TTLL10: variants seen among roughly 807,000 people sequenced by gnomAD.
TTLL10 encodes the protein tubulin tyrosine ligase like 10.
Under a neutral mutation model 69.0 loss-of-function variants are expected in TTLL10, and 61 were observed. That is an observed-to-expected ratio of 0.88 (90% CI 0.72 to 1.09). The LOEUF (loss-of-function observed/expected upper bound fraction) is 1.09. TTLL10 is among the 50% of genes least tolerant of loss of function. The pLI, the probability that TTLL10 is intolerant of heterozygous loss-of-function variation, is 0.00. For missense variants in TTLL10, 962 were observed against 945.9 expected (o/e 1.02, Z -0.22); for synonymous variants, 408 against 393.3 (o/e 1.04, Z -0.44).
intron 4 of TTLL10, 43 bp from the exon 5 acceptor site, chr1:1,179,614 C>T: frequency 6.5e-7 from 1 of 1,550,216 alleles, no homozygotes; most frequent in Non-Finnish European, 8.7e-7. Flanking sequence ...CCCCTTGGGT[C>T]ACCCATGACA....
At position 1,181,009 on chromosome 1, in the gene TTLL10, A is replaced by AGCCCCGGCCCCTGCCCCTGAACCC; in HGVS notation, c.755+154_755+155insGGCCCCTGCCCCTGAACCCGCCCC. 1 of 592,982 alleles carries AGCCCCGGCCCCTGCCCCTGAACCC rather than the reference A, an allele frequency of 1.7e-6. No homozygotes were observed. The highest frequency in any genetic ancestry group is 2.5e-6 in the Non-Finnish European group (1 of 396,480). The allele number at this position is 592,982 out of a possible 1,614,324, so 36.7% of individuals were successfully genotyped here. A position where few individuals can be genotyped will look rare whatever the true frequency, so the allele number is the denominator to read the frequency against. ...CCACCCAGGCTCCCAGGCTGGCTCC[A>AGCCCCGGCCCCTGCCCCTGAACCC]GCCCCTGCCCCTGCCCTTGCCCCTG... is the stretch of plus-strand genomic sequence containing the variant. On this transcript the variant is annotated intron_variant, in intron 8 of 15. Coordinates refer to ENST00000379289, the MANE Select transcript of TTLL10 (RefSeq NM_001130045.2). This position sits in a 1 kb window ranked among gnomAD's most constrained non-coding sequence, Gnocchi z 4.6.
chr1:1,194,805 T>C (rs964154163), intron 13 of TTLL10, among the ~76,000 whole-genome samples: 1 of 152,326 alleles, frequency 6.6e-6, no homozygotes, highest in Non-Finnish European at 1.5e-5. Context: ...TTTGAGTTCA[T>C]TGAGCTTCTT....
In TTLL10 at chr1:1,197,596, C is replaced by T. The variant is rs566673651; in HGVS notation, c.1771C>T (p.Arg591Cys). 268 of 1,513,558 alleles carry T rather than the reference C, an allele frequency of 1.8e-4. 1 individual carries two copies. In the Middle Eastern group the frequency reaches 3.1e-3, roughly 18 times the overall value. 93.8% of individuals were successfully genotyped at this position (1,513,558 alleles called of 1,614,324 possible). The stretch of plus-strand genomic sequence containing the variant: ...CCGCCGCTGGCCGCCCCTGCCCACC[C>T]GCCAGGCCAAGTCCTCCGGGCCACC... ...SLRRWPPLPTRQAKSSGPPMP... is the reference protein window; with the variant it reads ...SLRRWPPLPTCQAKSSGPPMP... Residue 591 changes from arginine (R) to cysteine (C), a missense_variant, in exon 16 of 16, where the codon CGC (arginine) becomes TGC (cysteine). Physicochemically the swap from Arg to Cys is radical, Grantham distance 180. Coordinates refer to ENST00000379289, the MANE Select transcript of TTLL10 (RefSeq NM_001130045.2).
chr1:1,187,061 T>C (rs1647391836), intron 13 of TTLL10, among the ~76,000 whole-genome samples: 1 of 151,676 alleles, frequency 6.6e-6, no homozygotes, highest in Non-Finnish European at 1.5e-5. Flanking sequence ...TTAGCCAGGA[T>C]GGTCTCGATC....
Position 1,189,646 on chromosome 1 carries a change from T to A in TTLL10, c.1401+4537T>A, listed in dbSNP as rs190712664. ...ATTCTTTCCTCTTTTATTTTTGGAGTCTTTGTGAAGGATTGCTGTTAATTC... is the reference window on the plus strand; with the variant it reads ...ATTCTTTCCTCTTTTATTTTTGGAGACTTTGTGAAGGATTGCTGTTAATTC... On this transcript the variant is annotated intron_variant, in intron 13 of 15. Coordinates refer to ENST00000379289, the MANE Select transcript of TTLL10 (RefSeq NM_001130045.2). 3.9e-5 allele frequency among the ~76,000 whole-genome samples: 6 copies of A among 152,222 alleles called. No homozygotes were observed. The East Asian group carries it at 1.2e-3, about 29-fold the overall frequency.
At position 1,184,054 on chromosome 1, in the gene TTLL10, C is replaced by A. The variant is rs116514358; in HGVS notation, c.1223C>A (p.Pro408His). Residue 408 changes from proline to histidine, a missense_variant, in exon 12 of 16, where the codon CCC (proline) becomes CAC (histidine). Physicochemically the swap from Pro to His is moderately conservative, Grantham distance 77. Transcript: ENST00000379289. ...CGCCTCACCCTTAGCCTTTACGACCCCCATTCCAGCGACCTCGGCGGCCAC... is the reference window on the plus strand; with the variant it reads ...CGCCTCACCCTTAGCCTTTACGACCACCATTCCAGCGACCTCGGCGGCCAC... Reference protein sequence around the residue: ...YARLTLSLYDPHSSDLGGHLT... With the variant: ...YARLTLSLYDHHSSDLGGHLT... 6.2e-7 allele frequency: 1 copy of A among 1,614,232 alleles called. No individual in the cohort carries two copies. Among genetic ancestry groups the A allele is most frequent in the African/African-American group, 1.3e-5 (1 of 75,064 alleles).
At chr1:1,197,340 C>T in intron 15 of TTLL10, 98 bp from the exon 16 acceptor site, 2 of 1,249,452 alleles carry the variant, frequency 1.6e-6, no homozygotes, top group Non-Finnish European at 2.2e-6. Flanking sequence ...ACCTTCCCCA[C>T]ACCTCAGCTC....
rs933792074 is a variant in TTLL10, at chr1:1,185,509, G to T, written c.1401+400G>T. 54 of 1,053,538 alleles carry T rather than the reference G, an allele frequency of 5.1e-5. No individual in the cohort carries two copies. In the African/African-American group the frequency reaches 8.8e-4, roughly 17 times the overall value. The allele number at this position is 1,053,538 out of a possible 1,614,324, so 65.3% of individuals were successfully genotyped here. A position where few individuals can be genotyped will look rare whatever the true frequency, so the allele number is the denominator to read the frequency against. Reference sequence around the variant, plus strand: ...GGAGCAGCAGCAGCTGCCCGTGCAGGCCCGGACTCTCCCTAGCTAAGGGCC... The same window carrying T: ...GGAGCAGCAGCAGCTGCCCGTGCAGTCCCGGACTCTCCCTAGCTAAGGGCC... On this transcript the variant is annotated intron_variant, in intron 13 of 15. Coordinates refer to ENST00000379289, the MANE Select transcript of TTLL10 (RefSeq NM_001130045.2). This position sits in a 1 kb window ranked among gnomAD's most constrained non-coding sequence, Gnocchi z 6.1.
chr1:1,197,451 G>T lies in TTLL10; in HGVS notation c.1626G>T (p.Glu542Asp). 1 of 1,540,608 alleles carries T rather than the reference G, an allele frequency of 6.5e-7. No homozygotes were observed. The highest frequency in any genetic ancestry group is 8.7e-7 in the Non-Finnish European group (1 of 1,143,092). Reference sequence around the variant, plus strand: ...CACCCGCACCAGACCTGGTGCTCGAGACCTTCCGGAAGAGCCTGCGCGGCC... The same window carrying T: ...CACCCGCACCAGACCTGGTGCTCGATACCTTCCGGAAGAGCCTGCGCGGCC... Reference protein sequence around the residue: ...VVIETLDLVLETFRKSLRGQK... With the variant: ...VVIETLDLVLDTFRKSLRGQK... Residue 542 changes from glutamate (E) to aspartate (D), a missense_variant, in exon 16 of 16, where the codon GAG becomes GAT. By Grantham distance (45) the Glu-to-Asp change is conservative. Coordinates refer to ENST00000379289, the MANE Select transcript of TTLL10 (RefSeq NM_001130045.2).
At chr1:1,179,788 A>G in intron 5 of TTLL10, 51 bp downstream of exon 5, 1 of 1,469,818 alleles carries the variant, frequency 6.8e-7, no homozygotes, top group African/African-American at 1.5e-5. Flanking sequence ...CAAGCTCCCC[A>G]CCCCCACCTG....
intron 13 of TTLL10, among the ~76,000 whole-genome samples, chr1:1,195,100 G>A (rs9659772): frequency 0.15 from 22,627 of 151,950 alleles, 2,702 homozygotes; most frequent in East Asian, 0.59. Flanking sequence ...GCAATCCTCC[G>A]GCCTACCAGC....
rs573660481 is a variant in TTLL10, at chr1:1,178,959, G to T, written c.-27-230G>T. Among the ~76,000 whole-genome samples, 4 of 152,342 alleles carry T rather than the reference G, an allele frequency of 2.6e-5. No homozygotes were observed. The East Asian group carries it at 7.7e-4, about 29-fold the overall frequency. Reference sequence around the variant, plus strand: ...CTGAAGAGCCGCTCCGGCCAGGGAGGACATGCCCGGCAGAGACAGGGTGCA... The same window carrying T: ...CTGAAGAGCCGCTCCGGCCAGGGAGTACATGCCCGGCAGAGACAGGGTGCA... On this transcript the variant is annotated intron_variant, in intron 3 of 15. Transcript: ENST00000379289.
rs777577506 is a variant in TTLL10, at chr1:1,183,007, A to G, written c.1048A>G (p.Lys350Glu). 2 of 1,609,754 alleles carry G rather than the reference A, an allele frequency of 1.2e-6. No homozygotes were observed. Among genetic ancestry groups the G allele is most frequent in the Middle Eastern group, 1.7e-4 (1 of 6,052 alleles). ...CATGGAGGACGACCCCATCCACCAC[A>G]AGACGCCGTTCCGGGGGCCTCAGGC... Reference protein sequence around the residue: ...RSMEDDPIHHKTPFRGPQARV... With the variant: ...RSMEDDPIHHETPFRGPQARV... Residue 350 changes from lysine to glutamate, a missense_variant, in exon 11 of 16, where the codon AAG becomes GAG. By Grantham distance (56) the Lys-to-Glu change is moderately conservative (BLOSUM62 1). Transcript: ENST00000379289.
At position 1,195,500 on chromosome 1, in the gene TTLL10, C is replaced by CTTTTTTTTTTTTTTTTT. The variant is rs1168016636; in HGVS notation, c.1402-1098_1402-1082dup. On this transcript the variant is annotated intron_variant, in intron 13 of 15. Transcript: ENST00000379289. ...TATTTGATAAGACATCATCGTCATA[C>CTTTTTTTTTTTTTTTTT]TTTTTTTTTTTTTTTTTTAGTTTTA... Among the ~76,000 whole-genome samples the CTTTTTTTTTTTTTTTTT allele has an allele frequency of 1.9e-3, 190 of 98,684 alleles. 4 individuals carry two copies. The highest frequency in any genetic ancestry group is 4.5e-3 in the African/African-American group (109 of 24,048). 64.7% of individuals were successfully genotyped at this position (98,684 alleles called of 152,430 possible).
intron 3 of TTLL10, among the ~76,000 whole-genome samples, chr1:1,177,878 T>TA (rs2100849902): frequency 6.6e-6 from 1 of 152,272 alleles, no homozygotes; most frequent in South Asian, 2.1e-4. Context: ...GCTCCTGACT[T>TA]CTTCCATTCT....
intron 12 of TTLL10, 107 bp downstream of exon 12, chr1:1,184,198 G>A: frequency 6.7e-7 from 1 of 1,496,838 alleles, no homozygotes; most frequent in Non-Finnish European, 9.1e-7. Flanking sequence ...GAAGGAGGTG[G>A]CCCAGGCCGG....
intron 12 of TTLL10, 96 bp from the exon 13 acceptor site, chr1:1,184,873 C>T (rs1220758856): frequency 2.5e-6 from 1 of 402,308 alleles, no homozygotes. Context: ...CATGCAGAAG[C>T]CTTCTAGGTT....
Position 1,181,875 on chromosome 1 carries a change from T to C in TTLL10, c.830+60T>C. The C allele has an allele frequency of 6.7e-7, 1 of 1,487,690 alleles. No homozygotes were observed. The highest frequency in any genetic ancestry group is 9.2e-7 in the Non-Finnish European group (1 of 1,088,586). The allele number at this position is 1,487,690 out of a possible 1,614,324, so 92.2% of individuals were successfully genotyped here. A position where few individuals can be genotyped will look rare whatever the true frequency, so the allele number is the denominator to read the frequency against. On this transcript the variant is annotated intron_variant, in intron 9 of 15. Coordinates refer to ENST00000379289, the MANE Select transcript of TTLL10 (RefSeq NM_001130045.2). This position sits in a 1 kb window ranked among gnomAD's most constrained non-coding sequence, Gnocchi z 4.6. ...CCGAAGTTCAGACCTAAACCTGGTGTCGTCTGAAAAGGAGAAAGCGGGGCG... is the reference window on the plus strand; with the variant it reads ...CCGAAGTTCAGACCTAAACCTGGTGCCGTCTGAAAAGGAGAAAGCGGGGCG...
chr1:1,189,478 C>T (rs1305831664), intron 13 of TTLL10, among the ~76,000 whole-genome samples: 1 of 152,110 alleles, frequency 6.6e-6, no homozygotes, highest in Admixed American at 6.6e-5. Context: ...TTTAAATATG[C>T]TGTTGGATTT....
Sources: gnomAD v4.1 joint callset for allele counts (sites outside exome capture counted in the v4.1 genomes callset) on GRCh38, gnomAD v4.1.1 for gene constraint, Gnocchi (gnomAD v3.1) non-coding constraint, MANE v1.5 for transcripts, NCBI Gene and HGNC (gene_info 2026-07-23, HGNC 2026-07-21) for gene names.